CMTR1: variants seen among roughly 807,000 people sequenced by gnomAD.
CMTR1 encodes cap-specific mRNA (nucleoside-2'-O-)-methyltransferase 1.
In CMTR1, 39 loss-of-function variants were observed where a neutral mutation model predicts 107.0. The ratio of observed to expected loss-of-function variants is 0.36; its 90% CI spans 0.28 to 0.48. CMTR1 has a LOEUF of 0.48. Among genes scored for constraint, CMTR1 ranks in the 20% least tolerant of loss-of-function variants. CMTR1 has a pLI of 0.99. For synonymous variants in CMTR1, 366 were observed against 379.5 expected (o/e 0.96, Z 0.41); for missense variants, 672 against 1,064.9 (o/e 0.63, Z 5.14).
chr6:37,451,551 A>G (rs1761173084), intron 5 of CMTR1, among the ~76,000 whole-genome samples: 1 of 152,114 alleles, frequency 6.6e-6, no homozygotes. Context: ...CTCAGCATTC[A>G]TGAGTCTTGT....
chr6:37,441,813 T>C (rs1771683759), intron 2 of CMTR1, among the ~76,000 whole-genome samples: 1 of 152,216 alleles, frequency 6.6e-6, no homozygotes, highest in Non-Finnish European at 1.5e-5. Context: ...TTTCCATGGT[T>C]ACTCATTCTT....
chr6:37,466,121 T>G lies in CMTR1; in HGVS notation c.1505+3113T>G, dbSNP rs564614851. 3.3e-5 allele frequency among the ~76,000 whole-genome samples: 5 copies of G among 149,602 alleles called. No individual in the cohort carries two copies. The East Asian group carries it at 7.7e-4, about 23-fold the overall frequency. Reference sequence around the variant, plus strand: ...AAGAGTTTTACAGTTTTTGTTTTTTTTTTTTTTTTTGAAACGGAGTCTTGC... The same window carrying G: ...AAGAGTTTTACAGTTTTTGTTTTTTGTTTTTTTTTTGAAACGGAGTCTTGC... On this transcript the variant is annotated intron_variant, in intron 13 of 23. Coordinates refer to ENST00000373451, the MANE Select transcript of CMTR1 (RefSeq NM_015050.3).
chr6:37,479,795 A>C (rs1761818341), intron 23 of CMTR1, among the ~76,000 whole-genome samples: 1 of 152,266 alleles, frequency 6.6e-6, no homozygotes, highest in South Asian at 2.1e-4. Context: ...TCACTGTAGG[A>C]ATCCAGTTGG....
intron 2 of CMTR1, among the ~76,000 whole-genome samples, chr6:37,437,400 G>C (rs948039447): frequency 6.6e-6 from 1 of 150,872 alleles, no homozygotes; most frequent in Non-Finnish European, 1.5e-5. Flanking sequence ...GGTGGCAGGC[G>C]CCTGTACTCC....
intron 13 of CMTR1, among the ~76,000 whole-genome samples, chr6:37,465,893 A>C (rs764088614): frequency 1.3e-5 from 2 of 150,282 alleles, no homozygotes; most frequent in African/African-American, 4.9e-5. Flanking sequence ...ATCACTTGTC[A>C]GATATGTGAT....
At chr6:37,467,106 G>A (rs1458677789) in intron 13 of CMTR1, among the ~76,000 whole-genome samples, 1 of 152,172 alleles carries the variant, frequency 6.6e-6, no homozygotes, top group Non-Finnish European at 1.5e-5. Flanking sequence ...GGTAGAGGTT[G>A]CAGTGAGCCA....
At chr6:37,454,880 T>G (rs1686115126) in intron 8 of CMTR1, among the ~76,000 whole-genome samples, 1 of 152,074 alleles carries the variant, frequency 6.6e-6, no homozygotes, top group South Asian at 2.1e-4. Context: ...CCCCACAGGC[T>G]TGGTGTGGTT....
chr6:37,451,982 A>G (rs1715291062), intron 6 of CMTR1, 105 bp downstream of exon 6: 1 of 900,758 alleles, frequency 1.1e-6, no homozygotes, highest in Admixed American at 2.1e-5. Flanking sequence ...TAAAGTTAAG[A>G]TTTTTGCTGG....
chr6:37,433,774 C>G (rs78645525), intron 1 of CMTR1, among the ~76,000 whole-genome samples: 3 of 152,204 alleles, frequency 2.0e-5, no homozygotes, highest in Non-Finnish European at 4.4e-5. Flanking sequence ...CTTAGAAGTT[C>G]CCTGCCAGAG....
chr6:37,475,673 T>G, intron 19 of CMTR1: 1 of 559,308 alleles, frequency 1.8e-6, no homozygotes, highest in Non-Finnish European at 3.2e-6. Context: ...GGTTGAGGTA[T>G]TTATGTTAAG....
chr6:37,475,955 G>A (rs765321560), intron 19 of CMTR1, 171 bp from the exon 20 acceptor site: 44 of 626,720 alleles, frequency 7.0e-5, no homozygotes, highest in Middle Eastern at 3.7e-4. Flanking sequence ...TAAAGACGTC[G>A]GTGGAGAAGG....
rs1761805292 is a variant in CMTR1, at chr6:37,479,186, A to T, written c.2306A>T (p.Lys769Met). Residue 769 changes from lysine to methionine, a missense_variant, in exon 23 of 24, where the codon AAG (lysine) becomes ATG (methionine). By Grantham distance (95) the Lys-to-Met change is moderately conservative. This residue lies in a region of CMTR1 where 583 missense variants were observed against 968.4 expected (regional missense o/e 0.60). Coordinates refer to ENST00000373451, the MANE Select transcript of CMTR1 (RefSeq NM_015050.3). ...GGATTCAGCAAAAGCTTCAAGAAGA[A>T]GTTCTTCTACAACAAGAAAACCAAG... ...TMGFSKSFKK[K>M]FFYNKKTKDS... is the part of the protein sequence containing the mutation. 3 of 1,614,062 alleles carry T rather than the reference A, an allele frequency of 1.9e-6. No individual in the cohort carries two copies. The highest frequency in any genetic ancestry group is 1.6e-4 in the Middle Eastern group (1 of 6,084).
chr6:37,466,215 C>T (rs1489705560), intron 13 of CMTR1, among the ~76,000 whole-genome samples: 2 of 150,054 alleles, frequency 1.3e-5, no homozygotes, highest in Non-Finnish European at 3.0e-5. Context: ...CGGGTTCAAG[C>T]AATTCTCCCA....
At chr6:37,445,762 G>A (rs1581731860) in intron 3 of CMTR1, among the ~76,000 whole-genome samples, 1 of 150,014 alleles carries the variant, frequency 6.7e-6, no homozygotes, top group Admixed American at 7.3e-5. Flanking sequence ...CAAAGTGCTG[G>A]GATTACAGAC....
At chr6:37,478,323 A>T in intron 21 of CMTR1, 86 bp from the exon 22 acceptor site, 1 of 1,009,908 alleles carries the variant, frequency 9.9e-7, no homozygotes, top group Middle Eastern at 2.1e-4. Flanking sequence ...CAGATACTGC[A>T]GTTGGGGTGA....
chr6:37,479,217 T>TACTTTTGACCTCCCTGCAGACTCC lies in CMTR1; in HGVS notation c.2339_2362dup (p.Thr780_Ser787dup). 6.2e-7 allele frequency: 1 copy of TACTTTTGACCTCCCTGCAGACTCC among 1,614,108 alleles called. No homozygotes were observed. The highest frequency in any genetic ancestry group is 8.5e-7 in the Non-Finnish European group (1 of 1,179,904). ...TCTACAACAAGAAAACCAAGGACTCTACTTTTGACCTCCCTGCAGACTCCA... is the reference window on the plus strand; with the variant it reads ...TCTACAACAAGAAAACCAAGGACTCTACTTTTGACCTCCCTGCAGACTCCACTTTTGACCTCCCTGCAGACTCCA... On this transcript the variant is annotated inframe_insertion, in exon 23 of 24. Transcript: ENST00000373451.
chr6:37,444,479 T>C (rs1771740680), intron 3 of CMTR1, among the ~76,000 whole-genome samples: 1 of 152,178 alleles, frequency 6.6e-6, no homozygotes, highest in Non-Finnish European at 1.5e-5. Context: ...AGAAGCTTCA[T>C]GCTGTGAATT....
At position 37,462,042 on chromosome 6, in the gene CMTR1, G is replaced by A; in HGVS notation, c.1265G>A (p.Cys422Tyr). 1 of 1,613,866 alleles carries A rather than the reference G, an allele frequency of 6.2e-7. No homozygotes were observed. The highest frequency in any genetic ancestry group is 8.5e-7 in the Non-Finnish European group (1 of 1,180,008). ...GTGGGGCTTGTCTACCTGCTGTACT[G>A]CTGCTTTGAACGAGTTTGTCTCTTC... ...FSVGLVYLLYCCFERVCLFKP... is the reference protein window; with the variant it reads ...FSVGLVYLLYYCFERVCLFKP... Residue 422 changes from cysteine to tyrosine, a missense_variant, in exon 12 of 24, where the codon TGC becomes TAC. Cys to Tyr is a radical substitution (Grantham distance 194, BLOSUM62 -2). This residue lies in a region of CMTR1 where 583 missense variants were observed against 968.4 expected (regional missense o/e 0.60). Transcript: ENST00000373451.
chr6:37,476,694 G>A (rs942112556), intron 20 of CMTR1, among the ~76,000 whole-genome samples: 4 of 152,194 alleles, frequency 2.6e-5, no homozygotes, highest in Non-Finnish European at 4.4e-5. Flanking sequence ...AGAGAACAGA[G>A]TCAGGAGGAG....
Sources: gnomAD v4.1 joint callset for allele counts (sites outside exome capture counted in the v4.1 genomes callset) on GRCh38, gnomAD v4.1.1 for gene constraint, gnomAD v4.1.1 regional missense constraint, MANE v1.5 for transcripts, NCBI Gene and HGNC (gene_info 2026-07-23, HGNC 2026-07-21) for gene names.